The following C8orf58 variants were observed in gnomAD, a reference collection of about 807,000 sequenced individuals.
C8orf58 encodes the protein uncharacterized protein C8orf58.
A neutral mutation model predicts 36.8 loss-of-function variants in C8orf58; 31 were observed. The ratio of observed to expected loss-of-function variants is 0.84; its 90% confidence interval spans 0.63 to 1.14. The LOEUF (loss-of-function observed/expected upper bound fraction) is 1.14. Among genes scored for constraint, C8orf58 ranks in the 50% most tolerant of loss-of-function variants. The probability of loss-of-function intolerance (pLI) is 0.00; values close to 1 mark genes in which losing one functional copy is unlikely to be tolerated. For missense variants in C8orf58, 538 were observed against 480.8 expected, an observed-to-expected ratio of 1.12 and a Z score of -1.11; for synonymous variants, 230 against 200.2, an observed-to-expected ratio of 1.15 and a Z score of -1.26.
In C8orf58 at chr8:22,602,246, C is replaced by T. The variant is rs1315876040; in HGVS notation, c.813C>T (p.Asn271=). Residue 271 remains asparagine (N), a synonymous_variant, in exon 5 of 7, where the codon AAC becomes AAT. Transcript: ENST00000289989. ...CAAAGGTGGAGGTGCCCAGTGCCAA[C>T]CCTCCCAGGCTGCCAGAAACCCCAG... is the stretch of plus-strand genomic sequence containing the variant. ...SPPKVEVPSA[N]PPRLPETPVE... The T allele has an allele frequency of 2.5e-6, 4 of 1,608,268 alleles. No individual in the cohort carries two copies. Among genetic ancestry groups the T allele is most frequent in the African/African-American group, 2.7e-5 (2 of 74,864 alleles).
chr8:22,601,597 G>A, intron 2 of C8orf58, 115 bp from the exon 3 acceptor site: 1 of 1,305,078 alleles, frequency 7.7e-7, no homozygotes, highest in Non-Finnish European at 1.1e-6. Context: ...GGCTGCGTGT[G>A]TTCCTCCTCG....
At chr8:22,599,877 A>C in intron 1 of C8orf58, 117 bp downstream of exon 1, 2 of 433,824 alleles carry the variant, frequency 4.6e-6, no homozygotes, top group Non-Finnish European at 7.4e-6. Flanking sequence ...CCGCGGGCGG[A>C]GCCCGCGCCG....
chr8:22,600,024 C>T (rs1021076165), intron 1 of C8orf58: 3 of 330,146 alleles, frequency 9.1e-6, no homozygotes, highest in African/African-American at 2.2e-5. Context: ...CTCGCCTTCC[C>T]GCTCCTTCTG....
Position 22,601,828 on chromosome 8 carries a change from G to A in C8orf58, c.633G>A (p.Gln211=), listed in dbSNP as rs778586253. The A allele has an allele frequency of 6.2e-7, 1 of 1,611,044 alleles. No individual in the cohort carries two copies. Among genetic ancestry groups the A allele is most frequent in the Admixed American group, 1.7e-5 (1 of 59,706 alleles). The change falls in exon 3 of 7, where the codon CAG becomes CAA. Residue 211 remains glutamine, a synonymous_variant. Transcript: ENST00000289989. ...QMARLQQLYL[Q]LRIQRPPGDP... is the part of the protein sequence containing the mutation. The stretch of plus-strand genomic sequence containing the variant: ...CAAGGCTCCAGCAGCTCTACCTGCA[G>A]CTGCGGATCCAGAGGCCCCCAGGGG...
chr8:22,602,188 G>C lies in C8orf58; in HGVS notation c.767-12G>C, dbSNP rs1800885624. ...TCTTCTGGCCCTGGCCAACCTGACT[G>C]TCTTTCTGAAGGAGCAAAGGCTGCT... On this transcript the variant is annotated splice_polypyrimidine_tract_variant and intron_variant, in intron 4 of 6. Coordinates refer to ENST00000289989, the MANE Select transcript of C8orf58 (RefSeq NM_001013842.3). 6.3e-7 allele frequency: 1 copy of C among 1,586,160 alleles called. No homozygotes were observed. The highest frequency in any genetic ancestry group is 1.8e-5 in the Admixed American group (1 of 55,404).
rs570020344 is a variant in C8orf58 at position 22,600,573 on chromosome 8, G to A, written c.41-309G>A. On this transcript the variant is annotated intron_variant, in intron 1 of 6. Coordinates refer to ENST00000289989, the MANE Select transcript of C8orf58 (RefSeq NM_001013842.3). ...CTCCCTACTTCTGACTCGGGAGATC[G>A]TGGGCTGATCCTAGGTGGGAAGCGC... 16 of 379,602 alleles carry A rather than the reference G, an allele frequency of 4.2e-5. No individual in the cohort carries two copies. The South Asian group carries it at 4.7e-4, about 11-fold the overall frequency. The allele number at this position is 379,602 out of a possible 1,614,324, so 23.5% of individuals were successfully genotyped here.
At position 22,600,873 on chromosome 8, in the gene C8orf58, T is replaced by C. The variant is rs1396896823; in HGVS notation, c.41-9T>C. On this transcript the variant is annotated splice_polypyrimidine_tract_variant and intron_variant, in intron 1 of 6. Coordinates refer to ENST00000289989, the MANE Select transcript of C8orf58 (RefSeq NM_001013842.3). ...GGCCTGCCCAGCCTGACGCTGACTC[T>C]CCATGCAGATGGGGCTGGCGAGGGC... The C allele has an allele frequency of 1.9e-6, 3 of 1,590,904 alleles. No individual in the cohort carries two copies. Among genetic ancestry groups the C allele is most frequent in the Non-Finnish European group, 1.7e-6 (2 of 1,169,688 alleles).
intron 5 of C8orf58, 44 bp downstream of exon 5, chr8:22,602,356 G>C: frequency 8.3e-7 from 1 of 1,202,572 alleles, no homozygotes; most frequent in Non-Finnish European, 1.2e-6. Flanking sequence ...GCTGGGGTGG[G>C]GGGAGGGGAG....
In C8orf58 at chr8:22,599,740, C is replaced by T; in HGVS notation, c.20C>T (p.Ala7Val). The T allele has an allele frequency of 1.6e-6, 2 of 1,219,418 alleles. No individual in the cohort carries two copies. Among genetic ancestry groups the T allele is most frequent in the African/African-American group, 1.6e-5 (1 of 63,578 alleles). The allele number at this position is 1,219,418 out of a possible 1,614,324, so 75.5% of individuals were successfully genotyped here. A position where few individuals can be genotyped will look rare whatever the true frequency, so the allele number is the denominator to read the frequency against. MMGRRRAFAVDGRDGAG... is the reference protein window; with the variant it reads MMGRRRVFAVDGRDGAG... ...CGGGCCATGATGGGCCGGCGGCGCG[C>T]CTTCGCCGTGGACGGCCGGGGTGAG... The change falls in exon 1 of 7, where the codon GCC becomes GTC. Residue 7 changes from alanine to valine, a missense_variant. Physicochemically the swap from Ala to Val is moderately conservative, Grantham distance 64. Transcript: ENST00000289989.
chr8:22,601,987 G>T lies in C8orf58; in HGVS notation c.673G>T (p.Glu225Ter), dbSNP rs761319510. The change falls in exon 4 of 7, where the codon GAG becomes TAG. Residue 225 changes from glutamate (E) to a stop codon, truncating the protein, a stop_gained. Coordinates refer to ENST00000289989, the MANE Select transcript of C8orf58 (RefSeq NM_001013842.3). LOFTEE classifies it high-confidence loss of function. ...CTGTGCATAGGATCCCGGCGAGGAG[G>T]AGTCGACCCGAGCCCCTTTACCGTC... ...QRPPGDPGEE[E>*]STRAPLPSPL... is the part of the protein sequence containing the mutation. The T allele has an allele frequency of 5.4e-5, 84 of 1,555,444 alleles. 2 individuals are homozygous for T. In the South Asian group the frequency reaches 8.4e-4, roughly 16 times the overall value.
At chr8:22,600,524 G>C (rs1472402624) in intron 1 of C8orf58, 9 of 290,246 alleles carry the variant, frequency 3.1e-5, no homozygotes, top group Non-Finnish European at 6.0e-5. Context: ...ACTCCCGCTT[G>C]GGGAGCAGCG....
At position 22,601,053 on chromosome 8, in the gene C8orf58, T is replaced by G. The variant is rs1435230379; in HGVS notation, c.212T>G (p.Val71Gly). Residue 71 changes from valine to glycine, a missense_variant, in exon 2 of 7, where the codon GTG (valine) becomes GGG (glycine). Transcript: ENST00000289989. ...FLKLASRDSG[V>G]EMAVGDSPLA... The stretch of plus-strand genomic sequence containing the variant: ...AAACTGGCCTCCCGGGACTCAGGAG[T>G]GGAGATGGCAGTTGGGGACAGCCCC... 1 of 1,612,394 alleles carries G rather than the reference T, an allele frequency of 6.2e-7. No individual in the cohort carries two copies. The highest frequency in any genetic ancestry group is 1.3e-5 in the African/African-American group (1 of 74,896).
chr8:22,601,970 A>G lies in C8orf58; in HGVS notation c.658-2A>G. The G allele has an allele frequency of 6.4e-7, 1 of 1,551,934 alleles. No homozygotes were observed. The highest frequency in any genetic ancestry group is 1.2e-5 in the South Asian group (1 of 82,180). On this transcript the variant is annotated splice_acceptor_variant, in intron 3 of 6. Coordinates refer to ENST00000289989, the MANE Select transcript of C8orf58 (RefSeq NM_001013842.3). LOFTEE classifies it high-confidence loss of function. The stretch of plus-strand genomic sequence containing the variant: ...CTGATCACCTGTCTCTCCTGTGCAT[A>G]GGATCCCGGCGAGGAGGAGTCGACC...
intron 2 of C8orf58, 70 bp downstream of exon 2, chr8:22,601,427 GCT>G: frequency 2.3e-6 from 3 of 1,299,350 alleles, no homozygotes; most frequent in Non-Finnish European, 3.1e-6. Flanking sequence ...TCTCCCTGGA[GCT>G]CTCTCTGGGT....
At position 22,601,148 on chromosome 8, in the gene C8orf58, G is replaced by C; in HGVS notation, c.307G>C (p.Ala103Pro). The change falls in exon 2 of 7, where the codon GCC (alanine) becomes CCC (proline). Residue 103 changes from alanine to proline, a missense_variant. Ala to Pro is a conservative substitution (Grantham distance 27, BLOSUM62 -1). Transcript: ENST00000289989. ...ATCCTCAGGGAGTTCTGAGCCCCCC[G>C]CCCAGGTAGGCCGACTCCTGGCCAG... ...FESSGSSEPPAQVGRLLASQK... is the reference protein window; with the variant it reads ...FESSGSSEPPPQVGRLLASQK... The C allele has an allele frequency of 1.2e-6, 2 of 1,610,686 alleles. No homozygotes were observed. Among genetic ancestry groups the C allele is most frequent in the Non-Finnish European group, 1.7e-6 (2 of 1,179,342 alleles).
In C8orf58 at chr8:22,601,361, A is replaced by T; in HGVS notation, c.516+4A>T. 6.4e-7 allele frequency: 1 copy of T among 1,558,854 alleles called. No individual in the cohort carries two copies. Among genetic ancestry groups the T allele is most frequent in the Admixed American group, 1.8e-5 (1 of 55,308 alleles). ...GGCAGGCCTGGAAGAAGAGGCGGTGAGTGCTCACTCTCAGGCTGGGTTTAA... is the reference window on the plus strand; with the variant it reads ...GGCAGGCCTGGAAGAAGAGGCGGTGTGTGCTCACTCTCAGGCTGGGTTTAA... On this transcript the variant is annotated splice_donor_region_variant and intron_variant, in intron 2 of 6. Transcript: ENST00000289989.
At position 22,601,725 on chromosome 8, in the gene C8orf58, G is replaced by GGCCTGGA. The variant is rs1394082189; in HGVS notation, c.537_543dup (p.Ala182SerfsTer139). 2 of 1,610,290 alleles carry GGCCTGGA rather than the reference G, an allele frequency of 1.2e-6. No individual in the cohort carries two copies. Among genetic ancestry groups the GGCCTGGA allele is most frequent in the Non-Finnish European group, 1.7e-6 (2 of 1,178,850 alleles). On this transcript the variant is annotated frameshift_variant, in exon 3 of 7. Coordinates refer to ENST00000289989, the MANE Select transcript of C8orf58 (RefSeq NM_001013842.3). LOFTEE classifies it high-confidence loss of function. ...AATGTCCCACAGGTGGGGGGCCTGG[G>GGCCTGGA]GCCTGGAGCCTGGGCCTGCCTCCCC...
At chr8:22,602,442 G>A (rs756210955) in intron 5 of C8orf58, 95 bp from the exon 6 acceptor site, 37 of 1,342,286 alleles carry the variant, frequency 2.8e-5, no homozygotes, top group Admixed American at 3.9e-5. Context: ...TGGAGCAGGC[G>A]ACTTGTCCTG....
chr8:22,602,760 G>C, intron 6 of C8orf58, 117 bp downstream of exon 6: 1 of 676,304 alleles, frequency 1.5e-6, no homozygotes, highest in Non-Finnish European at 2.5e-6. Flanking sequence ...GGCAGTCTGG[G>C]AGGGGCTGCT....
Sources: gnomAD v4.1 joint callset for allele counts on GRCh38, gnomAD v4.1.1 for gene constraint, MANE v1.5 for transcripts, NCBI Gene and HGNC (gene_info 2026-07-23, HGNC 2026-07-21) for gene names.